Variants in GABRE observed in about 807,000 individuals in gnomAD.
GABRE encodes gamma-aminobutyric acid type A receptor subunit epsilon.
Under a neutral mutation model 31.0 loss-of-function variants are expected in GABRE, and 20 were observed. The observed-to-expected ratio is 0.64, with a 90% CI of 0.45 to 0.94. The LOEUF is 0.94. Ranked by LOEUF, GABRE falls within the 40% of genes least tolerant of loss-of-function variation. The probability of loss-of-function intolerance (pLI) is 0.00; values close to 1 mark genes in which losing one functional copy is unlikely to be tolerated. For synonymous variants in GABRE, 155 were observed against 150.6 expected, an observed-to-expected ratio of 1.03 and a Z score of -0.21; for missense variants, 420 against 410.7, an observed-to-expected ratio of 1.02 and a Z score of -0.20.
chrX:151,966,433 G>A (rs1255585480), intron 3 of GABRE, among the ~76,000 whole-genome samples: 1 of 112,024 alleles, frequency 8.9e-6, no homozygotes, highest in Non-Finnish European at 1.9e-5. Context: ...ACATCTGACT[G>A]AAAGGTGTTG....
rs370193189 is a variant in GABRE at position 151,959,925 on chromosome X, T to C, written c.698A>G (p.Glu233Gly). Residue 233 changes from glutamate (E) to glycine (G), a missense_variant, in exon 6 of 9, where the codon GAA (glutamate) becomes GGA (glycine). Coordinates refer to ENST00000370328, the MANE Select transcript of GABRE (RefSeq NM_004961.4). The part of the protein sequence containing the change: ...MIYKWENFKL[E>G]INEKNSWKLF... ...CTTCCAGGAGTTCTTCTCATTGATT[T>C]CAAGCTTGAAATTTTCCCACTTGTA... The C allele has an allele frequency of 1.8e-4, 216 of 1,208,086 alleles. 2 individuals carry two copies. In the South Asian group the frequency reaches 3.7e-3, roughly 21 times the overall value.
chrX:151,962,669 T>C, intron 3 of GABRE, 26 bp from the exon 4 acceptor site: 1 of 1,121,156 alleles, frequency 8.9e-7, no homozygotes, highest in Non-Finnish European at 1.2e-6. Flanking sequence ...GAAAAGCACA[T>C]ACTTGGGGAT....
chrX:151,969,380 G>C (rs1934617503), intron 3 of GABRE: 2 of 220,552 alleles, frequency 9.1e-6, no homozygotes, highest in African/African-American at 5.7e-5. Flanking sequence ...ATAATTATCA[G>C]AAGAAAAGAG....
chrX:151,969,478 C>G (rs773419460), intron 3 of GABRE, 191 bp downstream of exon 3: 1 of 342,559 alleles, frequency 2.9e-6, no homozygotes, highest in Non-Finnish European at 5.0e-6. Flanking sequence ...TGAAGATCCT[C>G]TTCAAGTAGC....
chrX:151,956,061 G>T (rs1934158705), intron 6 of GABRE: 2 of 425,683 alleles, frequency 4.7e-6, no homozygotes, highest in African/African-American at 4.9e-5. Context: ...CCAGTTGAGA[G>T]CTAAGCCAAG....
chrX:151,963,946 C>T (rs758671562), intron 3 of GABRE, among the ~76,000 whole-genome samples: 6 of 111,825 alleles, frequency 5.4e-5, no homozygotes, highest in African/African-American at 1.6e-4. Flanking sequence ...CTGTACACTA[C>T]GCCCACACGT....
intron 3 of GABRE, among the ~76,000 whole-genome samples, chrX:151,968,698 C>G (rs1934596105): frequency 8.9e-6 from 1 of 111,825 alleles, no homozygotes; most frequent in Non-Finnish European, 1.9e-5. Flanking sequence ...TCTGCAGATG[C>G]AAGTGATTCT....
At chrX:151,956,129 T>A (rs1934161301) in intron 6 of GABRE, 1 of 330,301 alleles carries the variant, frequency 3.0e-6, no homozygotes, top group African/African-American at 2.6e-5. Context: ...TGTCTGTCTC[T>A]GCAGGTTGGC....
chrX:151,962,373 A>G, intron 4 of GABRE, 50 bp downstream of exon 4: 1 of 1,058,781 alleles, frequency 9.4e-7, no homozygotes, highest in East Asian at 3.0e-5. Flanking sequence ...TAAAATTATC[A>G]GAAGGGGAGA....
chrX:151,957,370 G>A (rs1206753259), intron 6 of GABRE: 1 of 304,056 alleles, frequency 3.3e-6, no homozygotes, highest in African/African-American at 2.7e-5. Context: ...TGGGAAACCT[G>A]TGTGTTGAGT....
chrX:151,973,008 G>C (rs910250115), intron 1 of GABRE, among the ~76,000 whole-genome samples: 4 of 106,466 alleles, frequency 3.8e-5, no homozygotes, highest in African/African-American at 6.8e-5. Flanking sequence ...AGTGGGGGGG[G>C]GAGGGGCGCA....
At chrX:151,966,359 C>A (rs759344238) in intron 3 of GABRE, among the ~76,000 whole-genome samples, 1 of 111,989 alleles carries the variant, frequency 8.9e-6, no homozygotes, top group Admixed American at 9.5e-5. Context: ...TAATCTCAGA[C>A]TGGGTGTTAC....
chrX:151,967,743 T>C (rs1166903121), intron 3 of GABRE, among the ~76,000 whole-genome samples: 1 of 112,501 alleles, frequency 8.9e-6, no homozygotes, highest in Non-Finnish European at 1.9e-5. Context: ...AATTTTAAAA[T>C]GTAGACAGAA....
intron 5 of GABRE, 51 bp from the exon 6 acceptor site, chrX:151,960,027 G>A (rs781141889): frequency 1.8e-6 from 2 of 1,128,953 alleles, no homozygotes; most frequent in South Asian, 3.9e-5. Context: ...AAGCCCACCT[G>A]AGGTCTCCAA....
chrX:151,959,603 C>T (rs1452459222), intron 6 of GABRE: 1 of 488,865 alleles, frequency 2.0e-6, no homozygotes, highest in East Asian at 4.3e-5. Flanking sequence ...ACTTTATCTA[C>T]TTACCTAACC....
intron 1 of GABRE, chrX:151,971,973 C>G: frequency 1.5e-6 from 1 of 675,055 alleles, no homozygotes; most frequent in Non-Finnish European, 1.8e-6. Context: ...GGCCTGTTTA[C>G]TTGTGAAAAG....
At chrX:151,956,308 T>C (rs1181293274) in intron 6 of GABRE, 2 of 124,443 alleles carry the variant, frequency 1.6e-5, no homozygotes, top group Admixed American at 1.6e-4. Context: ...GGGAAGTCTG[T>C]GCTGTGGTGG....
intron 6 of GABRE, chrX:151,957,417 C>T (rs764568081): frequency 1.5e-5 from 5 of 327,297 alleles, no homozygotes; most frequent in African/African-American, 8.0e-5. Flanking sequence ...AGCTGCTGCA[C>T]GGACCACCCT....
chrX:151,973,000 TG>T (rs750580715), intron 1 of GABRE, among the ~76,000 whole-genome samples: 155 of 104,651 alleles, frequency 1.5e-3, no homozygotes, highest in Admixed American at 6.7e-3. Flanking sequence ...GTGTGAGAAG[TG>T]GGGGGGGGAG....
Sources: gnomAD v4.1 joint callset for allele counts (sites outside exome capture counted in the v4.1 genomes callset) on GRCh38, gnomAD v4.1.1 for gene constraint, MANE v1.5 for transcripts, NCBI Gene and HGNC (gene_info 2026-07-23, HGNC 2026-07-21) for gene names.